Variants in TMEM187 observed in about 807,000 individuals in gnomAD.
TMEM187 encodes the protein transmembrane protein 187.
TMEM187 carries 14 observed loss-of-function variants against 11.8 expected under a neutral mutation model. The ratio of observed to expected loss-of-function variants is 1.18; its 90% CI spans 0.78 to 1.85. The LOEUF is 1.85. Among genes scored for constraint, TMEM187 ranks in the 40% most tolerant of loss-of-function variants. TMEM187 has a pLI of 0.00. For synonymous variants in TMEM187, 112 were observed against 118.5 expected (o/e 0.95, Z 0.36); for missense variants, 227 against 243.9 (o/e 0.93, Z 0.46).
chrX:153,980,125 G>A (rs2065594279), intron 1 of TMEM187, among the ~76,000 whole-genome samples: 2 of 105,762 alleles, frequency 1.9e-5, no homozygotes, highest in East Asian at 3.0e-4. Flanking sequence ...CCGGGAGATG[G>A]AGCTTGCAGT....
At chrX:153,977,734 A>G (rs183646746) in intron 1 of TMEM187, among the ~76,000 whole-genome samples, 222 of 106,681 alleles carry the variant, frequency 2.1e-3, no homozygotes, top group Non-Finnish European at 3.5e-3. Context: ...AACATGGTGA[A>G]ACCCTGTCTC....
At chrX:153,981,777 C>G (rs1340169923) in intron 1 of TMEM187, 73 bp from the exon 2 acceptor site, 14 of 429,048 alleles carry the variant, frequency 3.3e-5, no homozygotes, top group Non-Finnish European at 5.7e-5. Context: ...CTCCTGAGGC[C>G]GGGGGTCAGG....
Position 153,982,188 on chromosome X carries a change from G to C in TMEM187, c.126G>C (p.Glu42Asp), listed in dbSNP as rs1557122543. ...AAGTGGGCTATGAGCACTACGCCGAGGCGCCCGTGGCCGGCCTCCCTGCCT... is the reference window on the plus strand; with the variant it reads ...AAGTGGGCTATGAGCACTACGCCGACGCGCCCGTGGCCGGCCTCCCTGCCT... Reference protein sequence around the residue: ...SVQVGYEHYAEAPVAGLPAFL... With the variant: ...SVQVGYEHYADAPVAGLPAFL... The change falls in exon 2 of 2, where the codon GAG (glutamate) becomes GAC (aspartate). Residue 42 changes from glutamate (E) to aspartate (D), a missense_variant. Physicochemically the swap from Glu to Asp is conservative, Grantham distance 45. Coordinates refer to ENST00000369982, the MANE Select transcript of TMEM187 (RefSeq NM_003492.3). The C allele has an allele frequency of 2.5e-6, 3 of 1,212,545 alleles. No homozygotes were observed. Among genetic ancestry groups the C allele is most frequent in the Middle Eastern group, 2.3e-4 (1 of 4,354 alleles).
At chrX:153,973,684 AACACACACAC>A (rs3055213) in intron 1 of TMEM187, among the ~76,000 whole-genome samples, 41 of 106,144 alleles carry the variant, frequency 3.9e-4, no homozygotes, top group Non-Finnish European at 5.5e-4. Flanking sequence ...CTGTCTCAAA[AACACACACAC>A]ACACACACAC....
intron 1 of TMEM187, among the ~76,000 whole-genome samples, chrX:153,973,659 C>T (rs782558669): frequency 1.9e-5 from 2 of 105,043 alleles, no homozygotes; most frequent in Non-Finnish European, 3.9e-5. Context: ...CCAGCCTGGG[C>T]GACAGAGCAA....
intron 1 of TMEM187, among the ~76,000 whole-genome samples, chrX:153,978,159 C>T (rs1264636401): frequency 4.6e-5 from 5 of 108,921 alleles, no homozygotes; most frequent in African/African-American, 1.7e-4. Context: ...TGTACTGAGC[C>T]GAGACCACGC....
rs1603301117 is a variant in TMEM187 at position 153,982,325 on chromosome X, T to C, written c.263T>C (p.Val88Ala). The C allele has an allele frequency of 8.3e-7, 1 of 1,209,838 alleles. No homozygotes were observed. The highest frequency in any genetic ancestry group is 1.1e-6 in the Non-Finnish European group (1 of 895,235). ...MGLGPRYLKDVFAAMALLYGP... is the reference protein window; with the variant it reads ...MGLGPRYLKDAFAAMALLYGP... ...CTGGGTCCCCGCTACCTGAAGGACG[T>C]GTTCGCAGCCATGGCCCTGCTCTAT... The change falls in exon 2 of 2, where the codon GTG becomes GCG. Residue 88 changes from valine (V) to alanine (A), a missense_variant. By Grantham distance (64) the Val-to-Ala change is moderately conservative (BLOSUM62 0). Transcript: ENST00000369982.
intron 1 of TMEM187, among the ~76,000 whole-genome samples, chrX:153,977,708 G>T (rs6643807): frequency 9.4e-6 from 1 of 106,777 alleles, no homozygotes; most frequent in Admixed American, 1.0e-4. Context: ...GTCAGGAGTT[G>T]GAGACCAGCC....
At chrX:153,978,995 C>T (rs138842861) in intron 1 of TMEM187, among the ~76,000 whole-genome samples, 7,177 of 111,376 alleles carry the variant, frequency 0.064, 580 homozygotes, top group African/African-American at 0.22. Context: ...ACCATGTTGG[C>T]CAGACTGGTC....
At chrX:153,978,136 C>T (rs1603300647) in intron 1 of TMEM187, among the ~76,000 whole-genome samples, 1 of 108,669 alleles carries the variant, frequency 9.2e-6, no homozygotes, top group Non-Finnish European at 1.9e-5. Context: ...ACTCAAACCC[C>T]GGAGGGAGAG....
chrX:153,978,675 C>G (rs1186163775), intron 1 of TMEM187, among the ~76,000 whole-genome samples: 2 of 105,848 alleles, frequency 1.9e-5, no homozygotes, highest in African/African-American at 7.0e-5. Flanking sequence ...CCTCCGCCTC[C>G]CGGGCTCAAG....
Position 153,983,186 on chromosome X carries a change from G to A in TMEM187, c.*338G>A. 3.2e-6 allele frequency: 1 copy of A among 316,583 alleles called. No homozygotes were observed. The highest frequency in any genetic ancestry group is 5.8e-6 in the Non-Finnish European group (1 of 171,964). The allele number at this position is 316,583 out of a possible 1,213,427, so 26.1% of individuals were successfully genotyped here. ...CAAGAAGCCCCTCATGCTCATGGTT[G>A]GACAGAGAGCGATCGTCTGGAGTAT... On this transcript the variant is annotated 3_prime_UTR_variant, in exon 2 of 2. Coordinates refer to ENST00000369982, the MANE Select transcript of TMEM187 (RefSeq NM_003492.3).
At chrX:153,973,892 G>A (rs2065567032) in intron 1 of TMEM187, among the ~76,000 whole-genome samples, 1 of 111,993 alleles carries the variant, frequency 8.9e-6, no homozygotes, top group South Asian at 3.7e-4. Flanking sequence ...AACGCGTGCG[G>A]GAGAGTCTGG....
intron 1 of TMEM187, among the ~76,000 whole-genome samples, chrX:153,976,365 T>C (rs2065577691): frequency 9.0e-6 from 1 of 110,911 alleles, no homozygotes; most frequent in Admixed American, 9.6e-5. Context: ...ACCCCATCTC[T>C]ACCAAAAATA....
At chrX:153,975,934 C>T (rs1557121414) in intron 1 of TMEM187, among the ~76,000 whole-genome samples, 3 of 110,373 alleles carry the variant, frequency 2.7e-5, no homozygotes, top group Admixed American at 9.8e-5. Flanking sequence ...TGTGAGCCAC[C>T]GCGCTGGCCT....
chrX:153,977,601 G>A (rs1239247631), intron 1 of TMEM187, among the ~76,000 whole-genome samples: 1 of 109,041 alleles, frequency 9.2e-6, no homozygotes, highest in African/African-American at 3.4e-5. Context: ...CACAGAGCGA[G>A]ACTCTGTCCC....
chrX:153,982,975 T>G lies in TMEM187; in HGVS notation c.*127T>G. The G allele has an allele frequency of 8.6e-7, 1 of 1,158,285 alleles. No individual in the cohort carries two copies. Among genetic ancestry groups the G allele is most frequent in the Non-Finnish European group, 1.2e-6 (1 of 862,061 alleles). ...TGCACTGATCACACAAGACTGCCCT[T>G]TCCTGAGAAGCTGCGGGCTTCGGTG... On this transcript the variant is annotated 3_prime_UTR_variant, in exon 2 of 2. Transcript: ENST00000369982.
intron 1 of TMEM187, chrX:153,980,708 CAGG>C (rs1557122249): frequency 2.7e-5 from 3 of 110,256 alleles, no homozygotes; most frequent in East Asian, 5.7e-4. Flanking sequence ...CACTTGAGGT[CAGG>C]AGTTCAAGAC....
rs11414420 is a variant in TMEM187 at position 153,978,273 on chromosome X, C to CTT, written c.-213-3565_-213-3564dup. ...GCTAAGTGGTCTGCATATACAGATACTTTTTTTTTTTTTGAGACGGAGTCT... is the reference window on the plus strand; with the variant it reads ...GCTAAGTGGTCTGCATATACAGATACTTTTTTTTTTTTTTTGAGACGGAGTCT... On this transcript the variant is annotated intron_variant, in intron 1 of 1. Transcript: ENST00000369982. 6.3e-4 allele frequency among the ~76,000 whole-genome samples: 63 copies of CTT among 99,409 alleles called. 1 individual carries two copies. Among genetic ancestry groups the CTT allele is most frequent in the South Asian group, 1.9e-3 (4 of 2,068 alleles). 86.3% of individuals were successfully genotyped at this position (99,409 alleles called of 115,157 possible).
Sources: gnomAD v4.1 joint callset for allele counts (sites outside exome capture counted in the v4.1 genomes callset) on GRCh38, gnomAD v4.1.1 for gene constraint, MANE v1.5 for transcripts, NCBI Gene and HGNC (gene_info 2026-07-23, HGNC 2026-07-21) for gene names.